The following SEC31A variants were observed in gnomAD, a reference collection of about 807,000 sequenced individuals.
SEC31A encodes the protein protein transport protein Sec31A.
In SEC31A, 70 loss-of-function variants were observed where a neutral mutation model predicts 151.0. The ratio of observed to expected loss-of-function variants is 0.46; its 90% CI spans 0.38 to 0.57. The LOEUF is 0.57. SEC31A is among the 20% of genes least tolerant of loss of function. The pLI is 0.00. For missense variants in SEC31A, 1,330 were observed against 1,471.2 expected, an observed-to-expected ratio of 0.90 and a Z score of 1.57; for synonymous variants, 475 against 505.9, an observed-to-expected ratio of 0.94 and a Z score of 0.82.
At chr4:82,852,229 G>C (rs759961059) in intron 18 of SEC31A, among the ~76,000 whole-genome samples, 3 of 152,106 alleles carry the variant, frequency 2.0e-5, no homozygotes, top group Non-Finnish European at 2.9e-5. Context: ...CAGTCATGTG[G>C]AACTGTGAGT....
At chr4:82,866,267 T>A (rs1203481127) in intron 10 of SEC31A, among the ~76,000 whole-genome samples, 2 of 151,886 alleles carry the variant, frequency 1.3e-5, no homozygotes, top group Non-Finnish European at 2.9e-5. Flanking sequence ...GGTCAGGAGT[T>A]CAAGACCAGG....
intron 20 of SEC31A, among the ~76,000 whole-genome samples, chr4:82,847,759 T>C (rs1730555102): frequency 6.6e-6 from 1 of 152,184 alleles, no homozygotes; most frequent in Non-Finnish European, 1.5e-5. Flanking sequence ...CTCTGTTTTG[T>C]TCATAACTAT....
intron 2 of SEC31A, 64 bp downstream of exon 2, chr4:82,881,794 A>G (rs1739413727): frequency 2.4e-6 from 3 of 1,240,568 alleles, no homozygotes; most frequent in South Asian, 1.2e-5. Flanking sequence ...CTTAAACTGA[A>G]TAAGCTAGGT....
intron 11 of SEC31A, 94 bp downstream of exon 11, chr4:82,864,268 A>T: frequency 1.1e-6 from 1 of 883,344 alleles, no homozygotes; most frequent in Admixed American, 2.4e-5. Flanking sequence ...ACACTTTTTC[A>T]ATTGTTTCTT....
chr4:82,885,396 T>C (rs1740456743), intron 1 of SEC31A, among the ~76,000 whole-genome samples: 1 of 152,214 alleles, frequency 6.6e-6, no homozygotes, highest in South Asian at 2.1e-4. Flanking sequence ...TAGGATGATG[T>C]ATATTTTCAT....
Position 82,818,747 on chromosome 4 carries a change from C to T in SEC31A, c.*327G>A, listed in dbSNP as rs1722741564. ...AGTTTTAGCTCTGCTTTATGCATAA[C>T]CAGATGCTCCTTTTCTAAAAAGTAT... On this transcript the variant is annotated 3_prime_UTR_variant, in exon 27 of 27. Coordinates refer to ENST00000395310, the MANE Select transcript of SEC31A (RefSeq NM_001077207.4). 1.1e-5 allele frequency: 2 copies of T among 182,078 alleles called. No individual in the cohort carries two copies. Among genetic ancestry groups the T allele is most frequent in the Non-Finnish European group, 2.3e-5 (2 of 88,492 alleles). 11.3% of individuals were successfully genotyped at this position (182,078 alleles called of 1,614,324 possible).
At chr4:82,875,646 C>A (rs1737748999) in intron 5 of SEC31A, 81 bp downstream of exon 5, 8 of 732,060 alleles carry the variant, frequency 1.1e-5, no homozygotes, top group African/African-American at 9.0e-5. Flanking sequence ...GTGTGAGAAG[C>A]CTTAAAAGTG....
At chr4:82,842,704 T>A (rs4645207) in intron 21 of SEC31A, 13 of 485,004 alleles carry the variant, frequency 2.7e-5, no homozygotes, top group African/African-American at 5.9e-5. Context: ...CCAAACTGCC[T>A]CTGGTTATGA....
Position 82,880,823 on chromosome 4 carries a change from C to T in SEC31A, c.179G>A (p.Cys60Tyr). 1 of 1,612,730 alleles carries T rather than the reference C, an allele frequency of 6.2e-7. No individual in the cohort carries two copies. Among genetic ancestry groups the T allele is most frequent in the Non-Finnish European group, 8.5e-7 (1 of 1,179,270 alleles). Residue 60 changes from cysteine to tyrosine, a missense_variant, in exon 3 of 27, where the codon TGT becomes TAT. By Grantham distance (194) the Cys-to-Tyr change is radical. Coordinates refer to ENST00000395310, the MANE Select transcript of SEC31A (RefSeq NM_001077207.4). ...LSDPSLDMKSCATFSSSHRYH... is the reference protein window; with the variant it reads ...LSDPSLDMKSYATFSSSHRYH... Reference sequence around the variant, plus strand: ...CCTGTGAGAAGAGGAGAATGTGGCACAAGATTTCATATCCAAGGATGGATC... The same window carrying T: ...CCTGTGAGAAGAGGAGAATGTGGCATAAGATTTCATATCCAAGGATGGATC...
chr4:82,857,924 C>G, intron 14 of SEC31A, 160 bp from the exon 15 acceptor site: 1 of 516,982 alleles, frequency 1.9e-6, no homozygotes, highest in East Asian at 3.4e-5. Flanking sequence ...AGATCTATGC[C>G]TTCCCTAAAT....
intron 22 of SEC31A, among the ~76,000 whole-genome samples, chr4:82,837,199 A>ATATATAGATATATAT (rs56888042): frequency 4.8e-5 from 4 of 83,134 alleles, no homozygotes; most frequent in Non-Finnish European, 7.3e-5. Context: ...ATATATATAT[A>ATATATAGATATATAT]ATTTCACCAC....
rs33968103 is a variant in SEC31A at position 82,861,905 on chromosome 4, C to CTTTTTT, written c.1549-203_1549-198dup. The CTTTTTT allele has an allele frequency of 2.7e-4, 24 of 89,690 alleles. 1 individual carries two copies. Among genetic ancestry groups the CTTTTTT allele is most frequent in the South Asian group, 1.6e-3 (4 of 2,548 alleles). 5.6% of individuals were successfully genotyped at this position (89,690 alleles called of 1,614,324 possible). A position where few individuals can be genotyped will look rare whatever the true frequency, so the allele number is the denominator to read the frequency against. ...CTATTACTGCTAACACTTTCCCATT[C>CTTTTTT]TTTTTTTTTTTTTTTTTTTTTTTTT... On this transcript the variant is annotated intron_variant, in intron 13 of 26. Transcript: ENST00000395310.
intron 22 of SEC31A, among the ~76,000 whole-genome samples, chr4:82,839,685 A>G (rs749892770): frequency 4.6e-5 from 7 of 152,262 alleles, no homozygotes; most frequent in Non-Finnish European, 8.8e-5. Flanking sequence ...GCAGACTACT[A>G]TAAGATACAG....
At position 82,848,898 on chromosome 4, in the gene SEC31A, G is replaced by T; in HGVS notation, c.2408C>A (p.Pro803Gln). ...PVAGHESPKI[P>Q]YEKQQLPKGR... ...CTTGGGGAGCTGCTGTTTCTCGTAC[G>T]GAATTTTAGGTGATTCATGTCCTGC... The change falls in exon 20 of 27, where the codon CCG (proline) becomes CAG (glutamine). Residue 803 changes from proline (P) to glutamine (Q), a missense_variant. Physicochemically the swap from Pro to Gln is moderately conservative, Grantham distance 76. Coordinates refer to ENST00000395310, the MANE Select transcript of SEC31A (RefSeq NM_001077207.4). 1 of 1,614,040 alleles carries T rather than the reference G, an allele frequency of 6.2e-7. No individual in the cohort carries two copies. Among genetic ancestry groups the T allele is most frequent in the Non-Finnish European group, 8.5e-7 (1 of 1,180,002 alleles).
At chr4:82,878,357 G>A (rs1738480865) in intron 4 of SEC31A, among the ~76,000 whole-genome samples, 2 of 152,098 alleles carry the variant, frequency 1.3e-5, no homozygotes, top group African/African-American at 4.8e-5. Context: ...AGCTGGGCGT[G>A]GTGGCAGGCG....
chr4:82,829,854 A>G lies in SEC31A; in HGVS notation c.2969-796T>C, dbSNP rs1175428245. Among the ~76,000 whole-genome samples, 3 of 152,380 alleles carry G rather than the reference A, an allele frequency of 2.0e-5. No homozygotes were observed. The East Asian group carries it at 5.8e-4, about 29-fold the overall frequency. ...AGTATTTTAATGCCAGTATCTTTAA[A>G]GAGGAAAGGAATACAACATGCTGGA... On this transcript the variant is annotated intron_variant, in intron 22 of 26. Transcript: ENST00000395310.
chr4:82,887,021 A>G (rs1312455174), intron 1 of SEC31A, among the ~76,000 whole-genome samples: 1 of 152,200 alleles, frequency 6.6e-6, no homozygotes, highest in African/African-American at 2.4e-5. Flanking sequence ...CAAGTAGACT[A>G]ATGAGCTAGA....
At chr4:82,821,920 C>T (rs1667146913) in intron 25 of SEC31A, among the ~76,000 whole-genome samples, 1 of 152,028 alleles carries the variant, frequency 6.6e-6, no homozygotes, top group Admixed American at 6.5e-5. Context: ...TTAATCCTGC[C>T]TTTTTCTAAG....
chr4:82,842,487 C>T lies in SEC31A; in HGVS notation c.2627-6G>A. On this transcript the variant is annotated splice_region_variant and splice_polypyrimidine_tract_variant and intron_variant, in intron 21 of 26. Coordinates refer to ENST00000395310, the MANE Select transcript of SEC31A (RefSeq NM_001077207.4). ...CGGCTGGGCTGGTTGATAAGCTACA[C>T]CAAGGAGAAGAAACAGAAATTTCAA... 3.1e-6 allele frequency: 5 copies of T among 1,589,742 alleles called. No individual in the cohort carries two copies. Among genetic ancestry groups the T allele is most frequent in the Admixed American group, 1.8e-5 (1 of 56,100 alleles).
Sources: allele counts gnomAD v4.1 joint callset (sites outside exome capture counted in the v4.1 genomes callset), GRCh38; gene constraint gnomAD v4.1.1; transcripts MANE v1.5; gene names NCBI Gene and HGNC (gene_info 2026-07-23, HGNC 2026-07-21).